The following TASP1 variants were observed in gnomAD, a reference collection of about 807,000 sequenced individuals.
TASP1 encodes the protein threonine aspartase 1.
TASP1 carries 16 observed loss-of-function variants against 56.6 expected under a neutral mutation model. The observed-to-expected ratio is 0.28, with a 90% CI of 0.19 to 0.43. The LOEUF is 0.43. TASP1 is among the 20% of genes least tolerant of loss of function. The pLI is 1.00. For missense variants in TASP1, 393 were observed against 511.6 expected (o/e 0.77, Z 2.24); for synonymous variants, 179 against 184.2 (o/e 0.97, Z 0.23).
chr20:13,245,450 A>G, the TASP1 span: 3 of 152,236 alleles, frequency 2.0e-5, no homozygotes, highest in Non-Finnish European at 4.4e-5. Context: ...CATGTTTGCC[A>G]TACCCTATTT....
chr20:13,442,740 T>C (rs933957999), intron 11 of TASP1, among the ~76,000 whole-genome samples: 1 of 152,008 alleles, frequency 6.6e-6, no homozygotes, highest in African/African-American at 2.4e-5. Context: ...CAGGCTACCA[T>C]GCAAGCTTAT....
At chr20:13,107,141 A>T in the TASP1 span, among the ~76,000 whole-genome samples, 2 of 152,236 alleles carry the variant, frequency 1.3e-5, no homozygotes, top group Non-Finnish European at 2.9e-5. Context: ...CCCCAGGGAT[A>T]CTGAGCATAC....
In TASP1 at chr20:13,390,316, G is replaced by C; in HGVS notation, c.*44C>G. 2 of 1,567,070 alleles carry C rather than the reference G, an allele frequency of 1.3e-6. No homozygotes were observed. The highest frequency in any genetic ancestry group is 2.3e-5 in the South Asian group (2 of 88,516). ...TCAGTTAAAAACCCCCAAAAGCTCA[G>C]GTTCTGAAATGCCTCTGAGACGCTT... On this transcript the variant is annotated 3_prime_UTR_variant, in exon 14 of 14. Transcript: ENST00000337743.
At chr20:13,164,286 C>T in the TASP1 span, 248 of 465,560 alleles carry the variant, frequency 5.3e-4, no homozygotes, top group African/African-American at 4.4e-3. Context: ...AGCAGGAGGC[C>T]TGGGGTAGCA....
intron 11 of TASP1, among the ~76,000 whole-genome samples, chr20:13,463,755 A>G (rs932014072): frequency 6.6e-6 from 1 of 152,174 alleles, no homozygotes; most frequent in African/African-American, 2.4e-5. Flanking sequence ...AAGATGCTTA[A>G]TGTCACTAAT....
At chr20:13,243,421 T>G in the TASP1 span, among the ~76,000 whole-genome samples, 4 of 152,178 alleles carry the variant, frequency 2.6e-5, no homozygotes, top group East Asian at 7.7e-4. Context: ...TGCCTCCAGC[T>G]TGGCACAAAG....
intron 4 of TASP1, among the ~76,000 whole-genome samples, chr20:13,619,672 A>AC (rs2048643637): frequency 6.6e-6 from 1 of 152,210 alleles, no homozygotes; most frequent in Non-Finnish European, 1.5e-5. Flanking sequence ...ACTATTTCAA[A>AC]GGCAGCCAAA....
the TASP1 span, chr20:13,239,711 C>G: frequency 5.3e-5 from 8 of 152,336 alleles, 1 homozygote; most frequent in South Asian, 1.7e-3. Context: ...GTTGCAGACA[C>G]TCACCAAATT....
the TASP1 span, among the ~76,000 whole-genome samples, chr20:13,218,259 A>T: frequency 1.4e-4 from 22 of 151,818 alleles, no homozygotes; most frequent in African/African-American, 4.8e-4. Context: ...AAAAAAAAAA[A>T]GAATGAATGA....
chr20:13,569,623 T>C (rs2046647748), intron 6 of TASP1, 37 bp from the exon 7 acceptor site: 2 of 1,546,768 alleles, frequency 1.3e-6, no homozygotes, highest in East Asian at 4.5e-5. Flanking sequence ...ATTCACAGTG[T>C]CATCTTCTCC....
chr20:13,299,558 C>A, the TASP1 span: 1 of 1,121,982 alleles, frequency 8.9e-7, no homozygotes, highest in East Asian at 2.4e-5. This position sits in a 1 kb window ranked among gnomAD's most constrained non-coding sequence, Gnocchi z 5.8. Flanking sequence ...TAGCTGCGGT[C>A]GTGTATATTT....
intron 12 of TASP1, among the ~76,000 whole-genome samples, chr20:13,424,879 A>C (rs572609625): frequency 1.3e-5 from 2 of 152,322 alleles, no homozygotes; most frequent in Non-Finnish European, 2.9e-5. Context: ...ATAGACACAG[A>C]GATTTGGCAC....
At chr20:13,125,552 T>C in the TASP1 span, among the ~76,000 whole-genome samples, 5 of 152,280 alleles carry the variant, frequency 3.3e-5, no homozygotes, top group East Asian at 7.7e-4. Flanking sequence ...CCATCAACAA[T>C]GTGGGCTGGG....
At chr20:13,501,735 C>A (rs2043955230) in intron 10 of TASP1, among the ~76,000 whole-genome samples, 1 of 151,878 alleles carries the variant, frequency 6.6e-6, no homozygotes, top group African/African-American at 2.4e-5. Context: ...CTAGAATAAT[C>A]TTTTTATTAA....
chr20:13,143,878 C>T, the TASP1 span, among the ~76,000 whole-genome samples: 14 of 152,292 alleles, frequency 9.2e-5, no homozygotes, highest in African/African-American at 3.4e-4. Flanking sequence ...CGACACAGCT[C>T]CTCGCCCATT....
At chr20:13,515,453 G>T (rs967013936) in intron 10 of TASP1, among the ~76,000 whole-genome samples, 2 of 151,228 alleles carry the variant, frequency 1.3e-5, no homozygotes, top group African/African-American at 2.4e-5. Context: ...GGCATTATCT[G>T]GGAGCTTGCG....
intron 2 of TASP1, among the ~76,000 whole-genome samples, chr20:13,626,395 C>T (rs2048888291): frequency 6.6e-6 from 1 of 152,212 alleles, no homozygotes; most frequent in Non-Finnish European, 1.5e-5. Flanking sequence ...CCACTGCACT[C>T]CAGCCTACGC....
At chr20:13,609,411 C>T (rs1600155505) in intron 4 of TASP1, among the ~76,000 whole-genome samples, 1 of 152,094 alleles carries the variant, frequency 6.6e-6, no homozygotes, top group South Asian at 2.1e-4. Flanking sequence ...AGGCCAAGCG[C>T]GGTGGCTCAC....
rs145239206 is a variant in TASP1, at chr20:13,593,931, T to C, written c.283-6561A>G. On this transcript the variant is annotated intron_variant, in intron 4 of 13. Transcript: ENST00000337743. ...GTCTCTGAGCCCCGTGTAGCCTAAC[T>C]GGAAGACACCTCCCAGTAGGGGCTG... Among the ~76,000 whole-genome samples, 287 of 152,316 alleles carry C rather than the reference T, an allele frequency of 1.9e-3. 1 individual carries two copies. Among genetic ancestry groups the C allele is most frequent in the Middle Eastern group, 3.4e-3 (1 of 294 alleles).
Sources: gnomAD v4.1 joint callset for allele counts (sites outside exome capture counted in the v4.1 genomes callset) on GRCh38, gnomAD v4.1.1 for gene constraint, Gnocchi (gnomAD v3.1) non-coding constraint, MANE v1.5 for transcripts, NCBI Gene and HGNC (gene_info 2026-07-23, HGNC 2026-07-21) for gene names.